Variants in B3GALT1 observed in about 807,000 individuals in gnomAD.
B3GALT1 encodes the protein UDP-Gal:betaGlcNAc beta 1,3-galactosyltransferase, polypeptide 1.
Under a neutral mutation model 23.2 loss-of-function variants are expected in B3GALT1, and 10 were observed. The ratio of observed to expected loss-of-function variants is 0.43; its 90% CI spans 0.27 to 0.73. The LOEUF (loss-of-function observed/expected upper bound fraction) is 0.73. Among genes scored for constraint, B3GALT1 ranks in the 30% least tolerant of loss-of-function variants. The probability of loss-of-function intolerance (pLI) is 0.21; values close to 1 mark genes in which losing one functional copy is unlikely to be tolerated. For synonymous variants in B3GALT1, 156 were observed against 141.5 expected, an observed-to-expected ratio of 1.10 and a Z score of -0.73; for missense variants, 299 against 405.4, an observed-to-expected ratio of 0.74 and a Z score of 2.25.
chr2:167,568,575 T>C (rs1353559112), intron 2 of B3GALT1, among the ~76,000 whole-genome samples: 1 of 152,016 alleles, frequency 6.6e-6, no homozygotes, highest in Non-Finnish European at 1.5e-5. Context: ...ATTTTTTAAT[T>C]GGGTTGTTTG....
At chr2:167,335,565 G>T (rs1459322258) in intron 1 of B3GALT1, among the ~76,000 whole-genome samples, 5 of 152,092 alleles carry the variant, frequency 3.3e-5, no homozygotes, top group Non-Finnish European at 7.4e-5. Flanking sequence ...GGAAGGGGGT[G>T]GGCAGTTCCC....
At chr2:167,320,871 A>G (rs1183197023) in intron 1 of B3GALT1, among the ~76,000 whole-genome samples, 1 of 152,128 alleles carries the variant, frequency 6.6e-6, no homozygotes, top group Non-Finnish European at 1.5e-5. Flanking sequence ...GTTAAAAGGA[A>G]AATTTCTAAG....
intron 1 of B3GALT1, among the ~76,000 whole-genome samples, chr2:167,309,576 C>T (rs1172874034): frequency 1.3e-5 from 2 of 151,998 alleles, no homozygotes; most frequent in Non-Finnish European, 2.9e-5. Flanking sequence ...AGGCTGTTTA[C>T]TAATCTCAGT....
intron 3 of B3GALT1, among the ~76,000 whole-genome samples, chr2:167,809,734 G>T (rs753225856): frequency 1.8e-4 from 27 of 152,332 alleles, no homozygotes; most frequent in Non-Finnish European, 4.0e-4. Context: ...GGGGGTCAGG[G>T]ACCCACTTGA....
intron 1 of B3GALT1, among the ~76,000 whole-genome samples, chr2:167,378,238 CT>C (rs1399645264): frequency 6.6e-6 from 1 of 152,050 alleles, no homozygotes; most frequent in Non-Finnish European, 1.5e-5. Flanking sequence ...CCTTTTTTCT[CT>C]AGTTGCCTTT....
intron 1 of B3GALT1, among the ~76,000 whole-genome samples, chr2:167,296,235 A>G (rs1457483569): frequency 6.6e-6 from 1 of 152,262 alleles, no homozygotes; most frequent in African/African-American, 2.4e-5. Context: ...AGAAGATCAC[A>G]TCAATATGAA....
chr2:167,530,016 A>G (rs552165821), intron 2 of B3GALT1, among the ~76,000 whole-genome samples: 2 of 152,222 alleles, frequency 1.3e-5, no homozygotes, highest in Admixed American at 1.3e-4. Context: ...GTGAGACTCT[A>G]CTTGTCTAGC....
chr2:167,360,294 C>G (rs1459559100), intron 1 of B3GALT1, among the ~76,000 whole-genome samples: 1 of 152,178 alleles, frequency 6.6e-6, no homozygotes, highest in African/African-American at 2.4e-5. Flanking sequence ...CTACATACTT[C>G]TGCTATTGAT....
chr2:167,376,732 T>G (rs1697770045), intron 1 of B3GALT1, among the ~76,000 whole-genome samples: 1 of 152,164 alleles, frequency 6.6e-6, no homozygotes, highest in Admixed American at 6.5e-5. Context: ...CTTCTCTTTT[T>G]TTTACTTTGT....
At chr2:167,562,628 T>G (rs1684028122) in intron 2 of B3GALT1, among the ~76,000 whole-genome samples, 1 of 151,080 alleles carries the variant, frequency 6.6e-6, no homozygotes, top group Non-Finnish European at 1.5e-5. Context: ...ACAAAATCAA[T>G]GTACAAAAAT....
intron 2 of B3GALT1, among the ~76,000 whole-genome samples, chr2:167,541,321 C>T (rs1468969988): frequency 6.6e-6 from 1 of 152,122 alleles, no homozygotes; most frequent in African/African-American, 2.4e-5. Context: ...CTCCTCACAT[C>T]TAAATACTAA....
intron 3 of B3GALT1, among the ~76,000 whole-genome samples, chr2:167,796,542 T>C (rs185699094): frequency 6.6e-6 from 1 of 152,038 alleles, no homozygotes; most frequent in African/African-American, 2.4e-5. Context: ...AGGACAGGAG[T>C]TCGAGACCAG....
At chr2:167,628,555 A>G (rs73015419) in intron 2 of B3GALT1, among the ~76,000 whole-genome samples, 2,418 of 151,840 alleles carry the variant, frequency 0.016, 87 homozygotes, top group African/African-American at 0.055. Flanking sequence ...GGATTTCTGT[A>G]GAGTGGTAAA....
At chr2:167,680,393 T>TAG (rs1182878762) in intron 3 of B3GALT1, among the ~76,000 whole-genome samples, 1 of 151,980 alleles carries the variant, frequency 6.6e-6, no homozygotes, top group Non-Finnish European at 1.5e-5. Context: ...AGATTTCAAA[T>TAG]AGAGAAACAG....
intron 3 of B3GALT1, among the ~76,000 whole-genome samples, chr2:167,727,390 C>A (rs541079560): frequency 3.3e-5 from 5 of 152,262 alleles, no homozygotes; most frequent in Non-Finnish European, 5.9e-5. Flanking sequence ...TGAATTTAAT[C>A]ACATATAAGA....
At chr2:167,632,185 A>C (rs1016077458) in intron 2 of B3GALT1, among the ~76,000 whole-genome samples, 2 of 152,054 alleles carry the variant, frequency 1.3e-5, no homozygotes, top group African/African-American at 2.4e-5. Context: ...TTCTTTATCT[A>C]GTCTATCATT....
intron 1 of B3GALT1, among the ~76,000 whole-genome samples, chr2:167,350,341 G>T (rs1413882930): frequency 6.6e-6 from 1 of 152,124 alleles, no homozygotes; most frequent in Admixed American, 6.5e-5. Context: ...TATAAGGAAA[G>T]GAACGTTTAA....
chr2:167,310,472 T>C (rs1475368485), intron 1 of B3GALT1, among the ~76,000 whole-genome samples: 1 of 152,068 alleles, frequency 6.6e-6, no homozygotes, highest in Admixed American at 6.6e-5. Context: ...ATCAGAGACC[T>C]GGGTTAAATG....
At chr2:167,385,897 A>C (rs1373215241) in intron 1 of B3GALT1, among the ~76,000 whole-genome samples, 6 of 152,234 alleles carry the variant, frequency 3.9e-5, no homozygotes, top group Admixed American at 6.5e-5. Context: ...ATTTTCCAGC[A>C]TATAAACACA....
Sources: allele counts gnomAD v4.1 joint callset (sites outside exome capture counted in the v4.1 genomes callset), GRCh38; gene constraint gnomAD v4.1.1; transcripts MANE v1.5; gene names NCBI Gene and HGNC (gene_info 2026-07-23, HGNC 2026-07-21).